The following FBXO45 variants were observed in gnomAD, a reference collection of about 807,000 sequenced individuals.
FBXO45 encodes F-box protein 45, also known as F-box/SPRY domain-containing protein 1.
Under a neutral mutation model 25.5 loss-of-function variants are expected in FBXO45, and 3 were observed. The ratio of observed to expected loss-of-function variants is 0.12; its 90% CI spans 0.05 to 0.30. The LOEUF (loss-of-function observed/expected upper bound fraction) is 0.30, where lower values mean the gene tolerates loss of function less well. FBXO45 is among the 10% of genes least tolerant of loss of function. The pLI is 1.00. For synonymous variants in FBXO45, 155 were observed against 149.8 expected, an observed-to-expected ratio of 1.03 and a Z score of -0.25; for missense variants, 219 against 365.0, an observed-to-expected ratio of 0.60 and a Z score of 3.26.
chr3:196,570,032 A>T (rs1043986987), intron 1 of FBXO45, among the ~76,000 whole-genome samples: 3 of 152,172 alleles, frequency 2.0e-5, no homozygotes, highest in Non-Finnish European at 4.4e-5. Context: ...TCCTTCCTGC[A>T]TATTCCGCCC....
chr3:196,577,749 A>G lies in FBXO45; in HGVS notation c.615A>G (p.Leu205=), dbSNP rs775607304. 48 of 1,613,926 alleles carry G rather than the reference A, an allele frequency of 3.0e-5. No individual in the cohort carries two copies. Among genetic ancestry groups the G allele is most frequent in the Non-Finnish European group, 4.0e-5 (47 of 1,179,804 alleles). ...SWGWNLVDNN[L]LHNGEVNGSF... ...GCTGGAATCTGGTGGACAATAATCT[A>G]CTACATAATGGAGAAGTCAATGGCA... is the stretch of plus-strand genomic sequence containing the variant. The change falls in exon 2 of 3, where the codon CTA becomes CTG. Residue 205 remains leucine (L), a synonymous_variant. Transcript: ENST00000311630.
chr3:196,580,218 C>CTTT (rs1735985180), intron 2 of FBXO45, among the ~76,000 whole-genome samples: 152 of 142,618 alleles, frequency 1.1e-3, no homozygotes, highest in African/African-American at 1.4e-3. Flanking sequence ...TTTTTTTCTC[C>CTTT]TTTTGAGACA....
Position 196,583,573 on chromosome 3 carries a change from C to T in FBXO45, c.676-560C>T, listed in dbSNP as rs569784364. On this transcript the variant is annotated intron_variant, in intron 2 of 2. Coordinates refer to ENST00000311630, the MANE Select transcript of FBXO45 (RefSeq NM_001105573.2). ...TAATTTGAGAAGCTGATTTAGATTG[C>T]TCTTTTTGGTAAAATATGCCAAGTT... Among the ~76,000 whole-genome samples the T allele has an allele frequency of 2.0e-5, 3 of 151,418 alleles. No homozygotes were observed. In the South Asian group the frequency reaches 6.3e-4, roughly 32 times the overall value.
In FBXO45 at chr3:196,575,184, G is replaced by C. The variant is rs1166816582; in HGVS notation, c.319-2269G>C. On this transcript the variant is annotated intron_variant, in intron 1 of 2. Transcript: ENST00000311630. ...GTTTGAGGAAGAGAGGGCCGGGCGTGGTGGCTCACGCCTGTAATCCCAGCA... is the reference window on the plus strand; with the variant it reads ...GTTTGAGGAAGAGAGGGCCGGGCGTCGTGGCTCACGCCTGTAATCCCAGCA... 6.6e-5 allele frequency among the ~76,000 whole-genome samples: 10 copies of C among 152,306 alleles called. No individual in the cohort carries two copies. The South Asian group carries it at 2.1e-3, about 32-fold the overall frequency.
chr3:196,578,046 C>CTTTGTTTTTTTG (rs1735946413), intron 2 of FBXO45, among the ~76,000 whole-genome samples: 1 of 94,100 alleles, frequency 1.1e-5, no homozygotes, highest in South Asian at 3.2e-4. Context: ...GAAAAATATT[C>CTTTGTTTTTTTG]TTTTTTTTTT....
rs111903555 is a variant in FBXO45 at position 196,580,070 on chromosome 3, G to T, written c.675+2261G>T. On this transcript the variant is annotated intron_variant, in intron 2 of 2. Transcript: ENST00000311630. ...TGCAATGGCGCAATCTCGGCTCACC[G>T]CAACCTCCACCTCCCAGGTTCAAGT... is the stretch of plus-strand genomic sequence containing the variant. 3.4e-3 allele frequency among the ~76,000 whole-genome samples: 521 copies of T among 151,842 alleles called. 5 individuals are homozygous for T. Among genetic ancestry groups the T allele is most frequent in the African/African-American group, 0.012 (504 of 41,384 alleles).
At position 196,585,322 on chromosome 3, in the gene FBXO45, T is replaced by C. The variant is rs1231565078; in HGVS notation, c.*1004T>C. The stretch of plus-strand genomic sequence containing the variant: ...CCTCAAATATGAAAGCTATTAGTCA[T>C]AGAGCCTAGGAAAAAAAGAATTGAT... On this transcript the variant is annotated 3_prime_UTR_variant, in exon 3 of 3. Coordinates refer to ENST00000311630, the MANE Select transcript of FBXO45 (RefSeq NM_001105573.2). The C allele has an allele frequency of 1.3e-5, 2 of 152,202 alleles. No homozygotes were observed. The highest frequency in any genetic ancestry group is 2.4e-5 in the African/African-American group (1 of 41,464). 9.4% of individuals were successfully genotyped at this position (152,202 alleles called of 1,614,324 possible). A position where few individuals can be genotyped will look rare whatever the true frequency, so the allele number is the denominator to read the frequency against.
Position 196,569,078 on chromosome 3 carries a change from G to T in FBXO45, c.94G>T (p.Ala32Ser). 1 of 1,429,234 alleles carries T rather than the reference G, an allele frequency of 7.0e-7. No homozygotes were observed. The highest frequency in any genetic ancestry group is 1.4e-5 in the South Asian group (1 of 72,904). The allele number at this position is 1,429,234 out of a possible 1,614,324, so 88.5% of individuals were successfully genotyped here. The change falls in exon 1 of 3, where the codon GCC becomes TCC. Residue 32 changes from alanine (A) to serine (S), a missense_variant. By Grantham distance (99) the Ala-to-Ser change is moderately conservative. Around this residue, in one of 4 missense-constraint regions of FBXO45, gnomAD observed 138 missense variants for 157.3 expected, o/e 0.88. Coordinates refer to ENST00000311630, the MANE Select transcript of FBXO45 (RefSeq NM_001105573.2). The surrounding 1 kb of genome is among the most constrained non-coding windows in gnomAD (Gnocchi z 4.1). Reference sequence around the variant, plus strand: ...CGCGGGCGCGGGCTCGGGCTCTGGGGCCGCGGGGGCCGGGGGCCGGCTGCC... The same window carrying T: ...CGCGGGCGCGGGCTCGGGCTCTGGGTCCGCGGGGGCCGGGGGCCGGCTGCC... ...AGAGAGSGSG[A>S]AGAGGRLPSR...
At chr3:196,581,007 A>G (rs62410623) in intron 2 of FBXO45, among the ~76,000 whole-genome samples, 4,098 of 151,990 alleles carry the variant, frequency 0.027, 149 homozygotes, top group African/African-American at 0.083. Context: ...GGCTGGTTTC[A>G]AACTCCTGAG....
chr3:196,588,754 A>C lies in FBXO45; in HGVS notation c.*4436A>C, dbSNP rs547379303. 1 of 148,154 alleles carries C rather than the reference A, an allele frequency of 6.7e-6. No individual in the cohort carries two copies. Among genetic ancestry groups the C allele is most frequent in the South Asian group, 2.1e-4 (1 of 4,826 alleles). The allele number at this position is 148,154 out of a possible 1,614,324, so 9.2% of individuals were successfully genotyped here. The stretch of plus-strand genomic sequence containing the variant: ...ACATATTTGCTGAAGGAACAGAGAA[A>C]GAACTGCGGAGAAAGACAAAAGCTC... On this transcript the variant is annotated 3_prime_UTR_variant, in exon 3 of 3. Coordinates refer to ENST00000311630, the MANE Select transcript of FBXO45 (RefSeq NM_001105573.2). The surrounding 1 kb of genome is among the most constrained non-coding windows in gnomAD (Gnocchi z 4.2).
At chr3:196,578,046 C>CTTTTTTTTTTG (rs1553874565) in intron 2 of FBXO45, among the ~76,000 whole-genome samples, 7 of 94,058 alleles carry the variant, frequency 7.4e-5, no homozygotes, top group South Asian at 6.5e-4. Context: ...GAAAAATATT[C>CTTTTTTTTTTG]TTTTTTTTTT....
At chr3:196,573,700 A>G (rs1418486388) in intron 1 of FBXO45, among the ~76,000 whole-genome samples, 2 of 151,880 alleles carry the variant, frequency 1.3e-5, no homozygotes, top group African/African-American at 4.8e-5. Context: ...AGCATAGAAC[A>G]GGAAAGTGGA....
Position 196,581,451 on chromosome 3 carries a change from G to T in FBXO45, c.676-2682G>T, listed in dbSNP as rs113903168. Reference sequence around the variant, plus strand: ...TCACCATGTTGGCCAGGATGGTCTCGATCTCTTGACCTCGTGATCCGCCCG... The same window carrying T: ...TCACCATGTTGGCCAGGATGGTCTCTATCTCTTGACCTCGTGATCCGCCCG... On this transcript the variant is annotated intron_variant, in intron 2 of 2. Transcript: ENST00000311630. Among the ~76,000 whole-genome samples, 518 of 151,630 alleles carry T rather than the reference G, an allele frequency of 3.4e-3. 5 individuals carry two copies. The highest frequency in any genetic ancestry group is 0.012 in the African/African-American group (500 of 41,422).
chr3:196,570,380 G>A (rs1448273261), intron 1 of FBXO45, among the ~76,000 whole-genome samples: 1 of 151,798 alleles, frequency 6.6e-6, no homozygotes, highest in Non-Finnish European at 1.5e-5. Flanking sequence ...TGGGATTACA[G>A]GCATGCGCCA....
At position 196,578,352 on chromosome 3, in the gene FBXO45, C is replaced by A. The variant is rs1735953702; in HGVS notation, c.675+543C>A. 1.3e-5 allele frequency among the ~76,000 whole-genome samples: 2 copies of A among 152,036 alleles called. 1 individual carries two copies. Among genetic ancestry groups the A allele is most frequent in the South Asian group, 4.1e-4 (2 of 4,824 alleles). Reference sequence around the variant, plus strand: ...GCCCAGCCTCAAGGAGATTTTTTGACCATTTTTAAATAAATGTATAAATGA... The same window carrying A: ...GCCCAGCCTCAAGGAGATTTTTTGAACATTTTTAAATAAATGTATAAATGA... On this transcript the variant is annotated intron_variant, in intron 2 of 2. Coordinates refer to ENST00000311630, the MANE Select transcript of FBXO45 (RefSeq NM_001105573.2).
At chr3:196,580,305 C>G (rs939153511) in intron 2 of FBXO45, among the ~76,000 whole-genome samples, 1 of 151,810 alleles carries the variant, frequency 6.6e-6, no homozygotes, top group Non-Finnish European at 1.5e-5. Context: ...TCCCGGGTCC[C>G]GGTTCAAGCA....
intron 2 of FBXO45, among the ~76,000 whole-genome samples, chr3:196,581,664 A>C (rs79256312): frequency 0.027 from 4,100 of 152,234 alleles, 149 homozygotes; most frequent in African/African-American, 0.082. Context: ...AACACTTAGG[A>C]CCACTTGGAT....
rs1736078577 is a variant in FBXO45 at position 196,584,885 on chromosome 3, A to C, written c.*567A>C. 6.6e-6 allele frequency: 1 copy of C among 152,102 alleles called. No individual in the cohort carries two copies. The highest frequency in any genetic ancestry group is 2.4e-5 in the African/African-American group (1 of 41,476). 9.4% of individuals were successfully genotyped at this position (152,102 alleles called of 1,614,324 possible). ...ATATAATATGTGTGTAAAAAAAAAAAACTGTAAAAAAGAAAGGACAAACAG... is the reference window on the plus strand; with the variant it reads ...ATATAATATGTGTGTAAAAAAAAAACACTGTAAAAAAGAAAGGACAAACAG... On this transcript the variant is annotated 3_prime_UTR_variant, in exon 3 of 3. Coordinates refer to ENST00000311630, the MANE Select transcript of FBXO45 (RefSeq NM_001105573.2). This position sits in a 1 kb window ranked among gnomAD's most constrained non-coding sequence, Gnocchi z 4.3.
intron 1 of FBXO45, among the ~76,000 whole-genome samples, chr3:196,577,074 G>T (rs941166670): frequency 1.3e-5 from 2 of 152,062 alleles, no homozygotes; most frequent in Non-Finnish European, 1.5e-5. Flanking sequence ...TGTTTCTATT[G>T]CACACTCTCC....
Sources: allele counts gnomAD v4.1 joint callset (sites outside exome capture counted in the v4.1 genomes callset), GRCh38; gene constraint gnomAD v4.1.1; regional missense constraint gnomAD v4.1.1; non-coding constraint Gnocchi (gnomAD v3.1); transcripts MANE v1.5; gene names NCBI Gene and HGNC (gene_info 2026-07-23, HGNC 2026-07-21).